Variants in SGIP1 observed in about 807,000 individuals in gnomAD.
The protein encoded by SGIP1 is SH3-containing GRB2-like protein 3-interacting protein 1.
A neutral mutation model predicts 107.5 loss-of-function variants in SGIP1; 38 were observed. The ratio of observed to expected loss-of-function variants is 0.35; its 90% CI spans 0.27 to 0.46. SGIP1 has a LOEUF of 0.46. SGIP1 is among the 20% of genes least tolerant of loss of function. SGIP1 has a pLI of 1.00. For missense variants in SGIP1, 929 were observed against 1,019.5 expected (o/e 0.91, Z 1.21); for synonymous variants, 365 against 366.1 (o/e 1.00, Z 0.03).
chr1:66,655,231 C>T (rs1352923512), intron 7 of SGIP1, among the ~76,000 whole-genome samples: 10 of 151,940 alleles, frequency 6.6e-5, no homozygotes, highest in South Asian at 4.2e-4. Flanking sequence ...CCTAGACTAA[C>T]GCCTGCCATT....
intron 3 of SGIP1, among the ~76,000 whole-genome samples, chr1:66,635,351 T>G (rs1379246938): frequency 5.3e-5 from 8 of 152,252 alleles, no homozygotes; most frequent in Admixed American, 4.6e-4. Context: ...CTCTAATTTA[T>G]GCAGGGCAAA....
chr1:66,583,024 T>C (rs1012378267), intron 1 of SGIP1, among the ~76,000 whole-genome samples: 20 of 152,012 alleles, frequency 1.3e-4, no homozygotes, highest in Non-Finnish European at 2.4e-4. Context: ...ATAACATTTT[T>C]ATATATATCA....
At chr1:66,614,839 G>C (rs1285979190) in intron 1 of SGIP1, among the ~76,000 whole-genome samples, 1 of 66,058 alleles carries the variant, frequency 1.5e-5, no homozygotes, top group East Asian at 4.9e-4. Context: ...TTTTTTTTGA[G>C]ATGGAGTTTA....
At chr1:66,612,586 A>G (rs1156736589) in intron 1 of SGIP1, among the ~76,000 whole-genome samples, 1 of 152,230 alleles carries the variant, frequency 6.6e-6, no homozygotes, top group East Asian at 1.9e-4. Context: ...AATAAATGAT[A>G]TTAATTTTTG....
rs760939997 is a variant in SGIP1 at position 66,689,219 on chromosome 1, C to A, written c.1387C>A (p.Pro463Thr). The change falls in exon 16 of 25, where the codon CCC becomes ACC. Residue 463 changes from proline (P) to threonine (T), a missense_variant. Physicochemically the swap from Pro to Thr is conservative, Grantham distance 38. Around this residue, in one of 2 missense-constraint regions of SGIP1, gnomAD observed 588 missense variants for 588.6 expected, o/e 1.00. Transcript: ENST00000371037. ...AAGTACCACTCCACCTCCACCTCCTCCCCGGCCTCCATCCCGGCCAAAGCT... is the reference window on the plus strand; with the variant it reads ...AAGTACCACTCCACCTCCACCTCCTACCCGGCCTCCATCCCGGCCAAAGCT... ...CRSTTPPPPP[P>T]RPPSRPKLPP... is the part of the protein sequence containing the mutation. 6.2e-7 allele frequency: 1 copy of A among 1,613,876 alleles called. No individual in the cohort carries two copies. The highest frequency in any genetic ancestry group is 1.7e-5 in the Admixed American group (1 of 60,008).
rs1569698104 is a variant in SGIP1, at chr1:66,573,159, A to G, written c.10+38791A>G. Among the ~76,000 whole-genome samples, 4 of 152,108 alleles carry G rather than the reference A, an allele frequency of 2.6e-5. No homozygotes were observed. The South Asian group carries it at 8.3e-4, about 32-fold the overall frequency. The stretch of plus-strand genomic sequence containing the variant: ...GTAGTGATGGTTGCACAAGTCTGTG[A>G]ATATACTAAAAATCATTGAATTATG... On this transcript the variant is annotated intron_variant, in intron 1 of 24. Coordinates refer to ENST00000371037, the MANE Select transcript of SGIP1 (RefSeq NM_032291.4).
intron 19 of SGIP1, among the ~76,000 whole-genome samples, chr1:66,720,490 G>A (rs1210119560): frequency 2.6e-5 from 4 of 152,178 alleles, no homozygotes; most frequent in African/African-American, 9.6e-5. Flanking sequence ...CACTTTGGGA[G>A]GCCAAGACAG....
At chr1:66,712,402 A>G (rs1033414892) in intron 18 of SGIP1, among the ~76,000 whole-genome samples, 2 of 152,184 alleles carry the variant, frequency 1.3e-5, no homozygotes, top group African/African-American at 4.8e-5. Context: ...GTGCACAGGA[A>G]GGGGAGACTG....
At chr1:66,685,557 A>G (rs559017250) in intron 15 of SGIP1, among the ~76,000 whole-genome samples, 25 of 152,326 alleles carry the variant, frequency 1.6e-4, no homozygotes, top group Admixed American at 1.3e-3. Context: ...TCAGTGCAAC[A>G]TTTTCCAACT....
chr1:66,641,453 G>A (rs2076776087), intron 5 of SGIP1, among the ~76,000 whole-genome samples: 1 of 151,984 alleles, frequency 6.6e-6, no homozygotes, highest in Non-Finnish European at 1.5e-5. Flanking sequence ...CTCACTGACA[G>A]ACCTATAACC....
chr1:66,684,989 C>T (rs1168603677), intron 15 of SGIP1, among the ~76,000 whole-genome samples: 1 of 152,178 alleles, frequency 6.6e-6, no homozygotes, highest in Non-Finnish European at 1.5e-5. Flanking sequence ...ATAAATAAAA[C>T]TCTGCAGTAT....
chr1:66,633,268 G>C (rs2075156908), intron 3 of SGIP1, among the ~76,000 whole-genome samples, 174 bp downstream of exon 3: 3 of 152,072 alleles, frequency 2.0e-5, no homozygotes, highest in African/African-American at 7.2e-5. Context: ...CATAGTCCTG[G>C]TCAAGCTAGA....
At chr1:66,541,924 G>A (rs923407546) in intron 1 of SGIP1, among the ~76,000 whole-genome samples, 1 of 152,166 alleles carries the variant, frequency 6.6e-6, no homozygotes, top group Non-Finnish European at 1.5e-5. Flanking sequence ...TTCTTCAGAA[G>A]CATGGAGTCT....
chr1:66,699,454 G>T (rs1459203220), intron 18 of SGIP1, among the ~76,000 whole-genome samples: 1 of 152,130 alleles, frequency 6.6e-6, no homozygotes. Flanking sequence ...GACATAGAGT[G>T]TACGTGTGTG....
At chr1:66,664,388 G>A (rs2872079) in intron 8 of SGIP1, among the ~76,000 whole-genome samples, 76,106 of 151,970 alleles carry the variant, frequency 0.5, 19,808 homozygotes, top group African/African-American at 0.64. Context: ...TATGTCTAGT[G>A]TCCTAGCTAC....
chr1:66,724,209 G>T (rs953547854), intron 19 of SGIP1, among the ~76,000 whole-genome samples: 2 of 152,180 alleles, frequency 1.3e-5, no homozygotes, highest in Non-Finnish European at 2.9e-5. Context: ...AAAATCCAGT[G>T]TATAAGTCAC....
chr1:66,619,417 C>T (rs373099076), intron 1 of SGIP1, among the ~76,000 whole-genome samples: 103 of 152,360 alleles, frequency 6.8e-4, no homozygotes, highest in Non-Finnish European at 1.2e-3. Flanking sequence ...CCGCAGGCTC[C>T]GCCTGCCCCA....
chr1:66,584,236 G>A (rs2062223741), intron 1 of SGIP1, among the ~76,000 whole-genome samples: 1 of 152,044 alleles, frequency 6.6e-6, no homozygotes, highest in Non-Finnish European at 1.5e-5. Flanking sequence ...AAGAAATAAA[G>A]TTTAAATTAA....
At chr1:66,635,474 G>A (rs2075601906) in intron 3 of SGIP1, among the ~76,000 whole-genome samples, 1 of 152,234 alleles carries the variant, frequency 6.6e-6, no homozygotes, top group Non-Finnish European at 1.5e-5. Context: ...AGGTGTGCAG[G>A]AAAGGGCACA....
Sources: allele counts gnomAD v4.1 joint callset (sites outside exome capture counted in the v4.1 genomes callset), GRCh38; gene constraint gnomAD v4.1.1; regional missense constraint gnomAD v4.1.1; transcripts MANE v1.5; gene names NCBI Gene and HGNC (gene_info 2026-07-23, HGNC 2026-07-21).